The following DOCK2 variants were observed in gnomAD, a reference collection of about 807,000 sequenced individuals.
DOCK2 encodes dedicator of cytokinesis 2.
A neutral mutation model predicts 248.9 loss-of-function variants in DOCK2; 87 were observed. The observed-to-expected ratio is 0.35, with a 90% confidence interval of 0.29 to 0.42. The LOEUF (loss-of-function observed/expected upper bound fraction) is 0.42, where lower values mean the gene tolerates loss of function less well. Ranked by LOEUF, DOCK2 falls within the 10% of genes least tolerant of loss-of-function variation. DOCK2 has a pLI of 1.00. For missense variants in DOCK2, 1,747 were observed against 2,300.2 expected (o/e 0.76, Z 4.92); for synonymous variants, 805 against 821.6 (o/e 0.98, Z 0.35).
chr5:169,979,571 A>G (rs1777866257), intron 27 of DOCK2, among the ~76,000 whole-genome samples: 1 of 152,206 alleles, frequency 6.6e-6, no homozygotes, highest in South Asian at 2.1e-4. Flanking sequence ...AATCATTCAC[A>G]TCGGTGTGAT....
rs149479202 is a variant in DOCK2 at position 170,033,760 on chromosome 5, T to A, written c.3468-639T>A. 1.1e-3 allele frequency among the ~76,000 whole-genome samples: 171 copies of A among 152,366 alleles called. 1 individual carries two copies. The highest frequency in any genetic ancestry group is 4.0e-3 in the African/African-American group (166 of 41,592). On this transcript the variant is annotated intron_variant, in intron 34 of 51. Transcript: ENST00000520908. ...ATAACACCCTGGCCATGCTAAGCTC[T>A]ATGTTAGTTGGTTAAGTGAAAAGCA...
chr5:169,712,296 G>A (rs1008770568), intron 17 of DOCK2, 73 bp downstream of exon 17: 19 of 1,375,750 alleles, frequency 1.4e-5, no homozygotes, highest in East Asian at 6.9e-5. Flanking sequence ...AAATTGCTTA[G>A]TGGTCAACAG....
chr5:169,683,303 C>T (rs1460709238), intron 7 of DOCK2, among the ~76,000 whole-genome samples: 1 of 152,174 alleles, frequency 6.6e-6, no homozygotes, highest in South Asian at 2.1e-4. Context: ...GATCATGGCT[C>T]ACTGTAGCTT....
At chr5:169,913,095 C>G (rs560113557) in intron 27 of DOCK2, among the ~76,000 whole-genome samples, 1 of 152,258 alleles carries the variant, frequency 6.6e-6, no homozygotes, top group South Asian at 2.1e-4. Flanking sequence ...AGTGTTGTCT[C>G]TAGTTTCCTG....
intron 27 of DOCK2, among the ~76,000 whole-genome samples, chr5:169,897,867 A>G (rs961506767): frequency 1.3e-5 from 2 of 152,226 alleles, no homozygotes; most frequent in Non-Finnish European, 2.9e-5. Context: ...TGGACTCTCA[A>G]AAGAAGAGCT....
intron 22 of DOCK2, among the ~76,000 whole-genome samples, chr5:169,742,338 C>T (rs912632716): frequency 1.3e-5 from 2 of 152,164 alleles, no homozygotes; most frequent in African/African-American, 4.8e-5. Flanking sequence ...GTTTGATTTT[C>T]GAGCAACCTT....
At chr5:169,871,331 G>C (rs892053141) in intron 27 of DOCK2, among the ~76,000 whole-genome samples, 4 of 152,132 alleles carry the variant, frequency 2.6e-5, no homozygotes, top group Non-Finnish European at 4.4e-5. Context: ...AACAAAAAGA[G>C]AGTACCTGGG....
intron 38 of DOCK2, among the ~76,000 whole-genome samples, chr5:170,045,323 G>A (rs1332185144): frequency 6.6e-6 from 1 of 152,106 alleles, no homozygotes; most frequent in African/African-American, 2.4e-5. Flanking sequence ...TTGGAAAAGG[G>A]GGCCAACACC....
At chr5:169,855,141 G>A (rs1427833958) in intron 27 of DOCK2, among the ~76,000 whole-genome samples, 1 of 152,186 alleles carries the variant, frequency 6.6e-6, no homozygotes, top group African/African-American at 2.4e-5. Flanking sequence ...TGGAAAATGG[G>A]GGTAATCATA....
intron 23 of DOCK2, among the ~76,000 whole-genome samples, chr5:169,758,701 C>T (rs1764323541): frequency 5.9e-5 from 9 of 152,162 alleles, no homozygotes; most frequent in Admixed American, 4.6e-4. Context: ...AATAATGTTT[C>T]CCTTGCAGGG....
In DOCK2 at chr5:169,683,068, A is replaced by G. The variant is rs572443394; in HGVS notation, c.607-1128A>G. Among the ~76,000 whole-genome samples, 540 of 152,338 alleles carry G rather than the reference A, an allele frequency of 3.5e-3. 2 individuals carry two copies. The highest frequency in any genetic ancestry group is 4.4e-3 in the Non-Finnish European group (302 of 68,036). Reference sequence around the variant, plus strand: ...TTGGGTAAGTTTTCAGTTCAGAGCTATTATACTAATGCAACTATGAACATT... The same window carrying G: ...TTGGGTAAGTTTTCAGTTCAGAGCTGTTATACTAATGCAACTATGAACATT... On this transcript the variant is annotated intron_variant, in intron 7 of 51. Coordinates refer to ENST00000520908, the MANE Select transcript of DOCK2 (RefSeq NM_004946.3).
intron 27 of DOCK2, among the ~76,000 whole-genome samples, chr5:169,850,881 T>G (rs1770587044): frequency 6.6e-6 from 1 of 152,200 alleles, no homozygotes; most frequent in South Asian, 2.1e-4. Flanking sequence ...GAAGGCTTGG[T>G]GCATTTTAAG....
chr5:170,069,285 G>T lies in DOCK2; in HGVS notation c.4728+65G>T, dbSNP rs1194895128. The T allele has an allele frequency of 1.2e-5, 18 of 1,551,056 alleles. No individual in the cohort carries two copies. In the African/African-American group the frequency reaches 1.9e-4, roughly 16 times the overall value. Reference sequence around the variant, plus strand: ...CCTCTCCCCCCACCGTGGTTCACTTGCCCCACGCTAGGCTCTAGCTGAGGC... The same window carrying T: ...CCTCTCCCCCCACCGTGGTTCACTTTCCCCACGCTAGGCTCTAGCTGAGGC... On this transcript the variant is annotated intron_variant, in intron 46 of 51. Coordinates refer to ENST00000520908, the MANE Select transcript of DOCK2 (RefSeq NM_004946.3).
At chr5:169,884,605 C>T (rs1772862515) in intron 27 of DOCK2, 1 of 152,194 alleles carries the variant, frequency 6.6e-6, no homozygotes, top group Non-Finnish European at 1.5e-5. Flanking sequence ...TAAATAGCCT[C>T]ACAAAACCCA....
chr5:169,941,369 A>T (rs1776239975), intron 27 of DOCK2, among the ~76,000 whole-genome samples: 3 of 151,978 alleles, frequency 2.0e-5, no homozygotes, highest in Admixed American at 1.3e-4. Context: ...CCCCAGGCCC[A>T]GCTAATTTTG....
At chr5:169,768,316 A>G (rs1764906393) in intron 25 of DOCK2, among the ~76,000 whole-genome samples, 1 of 152,240 alleles carries the variant, frequency 6.6e-6, no homozygotes, top group South Asian at 2.1e-4. Context: ...CACAGGTAGT[A>G]AGTGCTGGAG....
At chr5:170,082,104 A>T in intron 51 of DOCK2, 120 bp downstream of exon 51, 1 of 1,381,616 alleles carries the variant, frequency 7.2e-7, no homozygotes, top group Non-Finnish European at 9.8e-7. Flanking sequence ...AGGGAGGCAT[A>T]GTCAGGAGGC....
intron 1 of DOCK2, among the ~76,000 whole-genome samples, chr5:169,638,681 C>A (rs1190814432): frequency 6.6e-6 from 1 of 152,164 alleles, no homozygotes. Flanking sequence ...CCAAGATGCA[C>A]CCTAATGCCA....
chr5:170,027,935 C>T lies in DOCK2; in HGVS notation c.3454C>T (p.Leu1152Phe), dbSNP rs1270029570. The change falls in exon 34 of 52, where the codon CTC (leucine) becomes TTC (phenylalanine). Residue 1152 changes from leucine (L) to phenylalanine (F), a missense_variant. Coordinates refer to ENST00000520908, the MANE Select transcript of DOCK2 (RefSeq NM_004946.3). ...GGRGDEQYMQ[L>F]LESILMECAA... ...CCGAGGCGACGAGCAGTACATGCAG[C>T]TCCTGGAGTCAATGTAAGTTCAGTG... 7 of 1,612,996 alleles carry T rather than the reference C, an allele frequency of 4.3e-6. No individual in the cohort carries two copies. The highest frequency in any genetic ancestry group is 5.9e-6 in the Non-Finnish European group (7 of 1,179,400).
Sources: gnomAD v4.1 joint callset for allele counts (sites outside exome capture counted in the v4.1 genomes callset) on GRCh38, gnomAD v4.1.1 for gene constraint, MANE v1.5 for transcripts, NCBI Gene and HGNC (gene_info 2026-07-23, HGNC 2026-07-21) for gene names.